UBL3: variants seen among roughly 807,000 people sequenced by gnomAD.
UBL3 encodes ubiquitin like 3.
In UBL3, 6 loss-of-function variants were observed where a neutral mutation model predicts 18.4. The observed-to-expected ratio is 0.33, with a 90% CI of 0.18 to 0.64. The LOEUF (loss-of-function observed/expected upper bound fraction) is 0.64. Among genes scored for constraint, UBL3 ranks in the 30% least tolerant of loss-of-function variants. The pLI is 0.76. For synonymous variants in UBL3, 49 were observed against 46.6 expected (o/e 1.05, Z -0.21); for missense variants, 109 against 142.9 (o/e 0.76, Z 1.21).
chr13:29,829,672 G>A lies in UBL3; in HGVS notation c.27+19840C>T, dbSNP rs376519652. Among the ~76,000 whole-genome samples, 103 of 152,142 alleles carry A rather than the reference G, an allele frequency of 6.8e-4. 2 individuals carry two copies. The highest frequency in any genetic ancestry group is 3.4e-3 in the Middle Eastern group (1 of 294). On this transcript the variant is annotated intron_variant, in intron 1 of 4. Transcript: ENST00000380680. ...GATGCCTCGCCCTGCTTCGGCTCAC[G>A]CTCGGTGGGCTGCACCCATTGTCCT...
intron 1 of UBL3, among the ~76,000 whole-genome samples, chr13:29,806,114 T>A (rs1170002879): frequency 6.6e-6 from 1 of 152,138 alleles, no homozygotes. Context: ...GAGGCAGAGG[T>A]TGCAGTGAGT....
intron 1 of UBL3, among the ~76,000 whole-genome samples, chr13:29,835,118 ATATATAAATATATATATATAT>A (rs1566001020): frequency 3.8e-4 from 10 of 26,278 alleles, no homozygotes; most frequent in African/African-American, 2.5e-3. Flanking sequence ...ATATATATAT[ATATATAAATATATATATATAT>A]ATATATATAT....
intron 1 of UBL3, among the ~76,000 whole-genome samples, chr13:29,808,312 T>A (rs1343796191): frequency 6.7e-6 from 1 of 148,756 alleles, no homozygotes; most frequent in African/African-American, 2.5e-5. Context: ...TATGACCATT[T>A]AATAAAGGAT....
At chr13:29,841,304 A>G (rs1172388536) in intron 1 of UBL3, among the ~76,000 whole-genome samples, 1 of 152,042 alleles carries the variant, frequency 6.6e-6, no homozygotes, top group African/African-American at 2.4e-5. Flanking sequence ...ATATGCAGTT[A>G]AAAGTATGGA....
intron 1 of UBL3, among the ~76,000 whole-genome samples, chr13:29,793,071 T>C (rs1452168541): frequency 1.3e-5 from 2 of 152,004 alleles, no homozygotes; most frequent in African/African-American, 2.4e-5. Context: ...CGTATTACAA[T>C]ACAGAAAGCA....
intron 1 of UBL3, among the ~76,000 whole-genome samples, chr13:29,819,960 C>T (rs753500090): frequency 1.2e-4 from 19 of 152,104 alleles, no homozygotes; most frequent in African/African-American, 3.4e-4. Flanking sequence ...ATTTCAAAAA[C>T]GTAAAAGGTT....
At chr13:29,772,759 C>A (rs1474085172) in intron 2 of UBL3, among the ~76,000 whole-genome samples, 2 of 152,030 alleles carry the variant, frequency 1.3e-5, no homozygotes, top group Non-Finnish European at 2.9e-5. Flanking sequence ...CTTTAGTTCA[C>A]CTCACCCAAA....
At chr13:29,769,532 T>C (rs76971819) in intron 3 of UBL3, among the ~76,000 whole-genome samples, 2 of 151,822 alleles carry the variant, frequency 1.3e-5, no homozygotes, top group Admixed American at 1.3e-4. Context: ...CTAGTAAAAT[T>C]AGGAGATGGG....
At chr13:29,820,460 G>A (rs1372209752) in intron 1 of UBL3, among the ~76,000 whole-genome samples, 1 of 152,116 alleles carries the variant, frequency 6.6e-6, no homozygotes, top group Non-Finnish European at 1.5e-5. Flanking sequence ...ACAGGAGTGA[G>A]CCACCATGCC....
In UBL3 at chr13:29,804,686, C is replaced by G. The variant is rs1238459207; in HGVS notation, c.28-27423G>C. Among the ~76,000 whole-genome samples, 6 of 152,040 alleles carry G rather than the reference C, an allele frequency of 3.9e-5. No individual in the cohort carries two copies. In the East Asian group the frequency reaches 9.6e-4, roughly 24 times the overall value. On this transcript the variant is annotated intron_variant, in intron 1 of 4. Transcript: ENST00000380680. ...CTATTAATACTTCTATGCACACAGT[C>G]TAAAAAAACCTAGAACAAATGGATA...
rs535025312 is a variant in UBL3 at position 29,787,391 on chromosome 13, A to C, written c.28-10128T>G. ...ATAATGCTCTTTCCTTTAGTACTTT[A>C]AAATGTACATTTACTTTCAGTTTGG... is the stretch of plus-strand genomic sequence containing the variant. On this transcript the variant is annotated intron_variant, in intron 1 of 4. Coordinates refer to ENST00000380680, the MANE Select transcript of UBL3 (RefSeq NM_007106.4). Among the ~76,000 whole-genome samples the C allele has an allele frequency of 3.3e-5, 5 of 152,328 alleles. No individual in the cohort carries two copies. The East Asian group carries it at 9.6e-4, about 29-fold the overall frequency.
rs529642027 is a variant in UBL3 at position 29,849,574 on chromosome 13, AAAACAAAC to A, written c.-44_-37del. 1.2e-6 allele frequency: 2 copies of A among 1,612,894 alleles called. No individual in the cohort carries two copies. Among genetic ancestry groups the A allele is most frequent in the African/African-American group, 1.3e-5 (1 of 75,050 alleles). On this transcript the variant is annotated 5_prime_UTR_variant, in exon 1 of 5. Coordinates refer to ENST00000380680, the MANE Select transcript of UBL3 (RefSeq NM_007106.4). ...GATATACACCCAGATGTTTACGAAA[AAAACAAAC>A]AAAGAAAAAAGAGCAGAAGTCTTCA...
intron 1 of UBL3, among the ~76,000 whole-genome samples, chr13:29,811,974 C>T (rs1878099990): frequency 1.3e-5 from 2 of 151,876 alleles, no homozygotes; most frequent in African/African-American, 2.4e-5. Flanking sequence ...TCCCTTACTC[C>T]GGCTCCATCT....
At chr13:29,807,993 CAAT>C (rs1428961459) in intron 1 of UBL3, among the ~76,000 whole-genome samples, 1 of 152,074 alleles carries the variant, frequency 6.6e-6, no homozygotes, top group African/African-American at 2.4e-5. Flanking sequence ...GTAAAAACCA[CAAT>C]GATTAACAAA....
intron 1 of UBL3, among the ~76,000 whole-genome samples, chr13:29,822,382 T>C (rs1156548847): frequency 1.3e-5 from 2 of 152,186 alleles, no homozygotes; most frequent in Non-Finnish European, 2.9e-5. Flanking sequence ...AACAGTCCTT[T>C]TGTGAGATCT....
chr13:29,839,022 T>C (rs1279136380), intron 1 of UBL3, among the ~76,000 whole-genome samples: 1 of 152,186 alleles, frequency 6.6e-6, no homozygotes, highest in Non-Finnish European at 1.5e-5. Flanking sequence ...ATAAATTTAT[T>C]TGTAGCTAAT....
chr13:29,774,149 T>C (rs1311481333), intron 2 of UBL3, among the ~76,000 whole-genome samples: 3 of 152,114 alleles, frequency 2.0e-5, no homozygotes, highest in Non-Finnish European at 2.9e-5. Flanking sequence ...TAAGGGAACA[T>C]CCACTGATAC....
chr13:29,810,014 C>A (rs1878000560), intron 1 of UBL3, among the ~76,000 whole-genome samples: 2 of 151,934 alleles, frequency 1.3e-5, no homozygotes, highest in African/African-American at 4.8e-5. Context: ...TTTCAATTCA[C>A]AGTTGGTTAA....
chr13:29,788,894 TGTGTGC>T (rs1464457901), intron 1 of UBL3, among the ~76,000 whole-genome samples: 35 of 17,086 alleles, frequency 2.0e-3, no homozygotes, highest in East Asian at 4.1e-3. Context: ...CACGCGCACG[TGTGTGC>T]GTGTGTGTGT....
Sources: gnomAD v4.1 joint callset for allele counts (sites outside exome capture counted in the v4.1 genomes callset) on GRCh38, gnomAD v4.1.1 for gene constraint, MANE v1.5 for transcripts, NCBI Gene and HGNC (gene_info 2026-07-23, HGNC 2026-07-21) for gene names.